Variants in TBC1D22A observed in about 807,000 individuals in gnomAD.
TBC1D22A encodes TBC1 domain family member 22A, also known as putative GTPase activator.
A neutral mutation model predicts 60.2 loss-of-function variants in TBC1D22A; 38 were observed. The ratio of observed to expected loss-of-function variants is 0.63; its 90% CI spans 0.49 to 0.83. The LOEUF (loss-of-function observed/expected upper bound fraction) is 0.83, where lower values mean the gene tolerates loss of function less well. Ranked by LOEUF, TBC1D22A falls within the 40% of genes least tolerant of loss-of-function variation. The pLI is 0.00. For missense variants in TBC1D22A, 628 were observed against 701.0 expected (o/e 0.90, Z 1.18); for synonymous variants, 302 against 281.7 (o/e 1.07, Z -0.72).
chr22:47,150,901 G>A (rs923938622), intron 12 of TBC1D22A, among the ~76,000 whole-genome samples: 1 of 152,212 alleles, frequency 6.6e-6, no homozygotes, highest in South Asian at 2.1e-4. Context: ...TTCCTTCCGT[G>A]GGAACTCTGT....
At chr22:46,789,543 G>A (rs185014398) in intron 1 of TBC1D22A, 16 of 177,330 alleles carry the variant, frequency 9.0e-5, no homozygotes, top group Admixed American at 1.9e-4. Flanking sequence ...TGCCCTGTCC[G>A]AGAGTCAGTA....
In TBC1D22A at chr22:47,020,388, C is replaced by T. The variant is rs112565053; in HGVS notation, c.1202-16683C>T. 4.5e-3 allele frequency among the ~76,000 whole-genome samples: 679 copies of T among 152,288 alleles called. 1 individual carries two copies. The highest frequency in any genetic ancestry group is 7.6e-3 in the Non-Finnish European group (518 of 68,036). On this transcript the variant is annotated intron_variant, in intron 10 of 12. Coordinates refer to ENST00000337137, the MANE Select transcript of TBC1D22A (RefSeq NM_014346.5). Reference sequence around the variant, plus strand: ...CGGGGAAGCTCTGCGTCTTCAACCTCGCTGTAGACTTGGGTTGCATCAGCA... The same window carrying T: ...CGGGGAAGCTCTGCGTCTTCAACCTTGCTGTAGACTTGGGTTGCATCAGCA...
chr22:47,045,469 C>T (rs1041495287), intron 11 of TBC1D22A, among the ~76,000 whole-genome samples: 2 of 152,216 alleles, frequency 1.3e-5, no homozygotes, highest in African/African-American at 2.4e-5. Flanking sequence ...GAATAAATTT[C>T]CTTGTACTTG....
chr22:46,876,630 CT>C (rs1364798526), intron 4 of TBC1D22A, among the ~76,000 whole-genome samples: 6 of 152,188 alleles, frequency 3.9e-5, no homozygotes, highest in Non-Finnish European at 7.3e-5. Flanking sequence ...CCTCCAGGAA[CT>C]TCCCAAGAGC....
rs1479848235 is a variant in TBC1D22A at position 47,136,134 on chromosome 22, G to A, written c.1425+24531G>A. Among the ~76,000 whole-genome samples, 5 of 152,232 alleles carry A rather than the reference G, an allele frequency of 3.3e-5. No homozygotes were observed. The South Asian group carries it at 8.3e-4, about 25-fold the overall frequency. ...ATGGTGTGGAAGGCCTTGGATACTC[G>A]GGGGCCAAGGCCCAGGCTCCCTCCA... On this transcript the variant is annotated intron_variant, in intron 12 of 12. Coordinates refer to ENST00000337137, the MANE Select transcript of TBC1D22A (RefSeq NM_014346.5).
rs538299514 is a variant in TBC1D22A at position 46,792,553 on chromosome 22, C to T, written c.96C>T (p.Pro32=). 22 of 1,614,250 alleles carry T rather than the reference C, an allele frequency of 1.4e-5. No individual in the cohort carries two copies. The highest frequency in any genetic ancestry group is 1.9e-5 in the Non-Finnish European group (22 of 1,180,044). ...ACGTGTATGGTGCCCAGCACCCCCC[C>T]TTTGATCCACTGTTACATGGCACGT... ...IQHVYGAQHP[P]FDPLLHGTLL... Residue 32 remains proline, a synonymous_variant, in exon 2 of 13, where the codon CCC becomes CCT. Transcript: ENST00000337137.
At chr22:46,820,618 T>C (rs1240103261) in intron 4 of TBC1D22A, among the ~76,000 whole-genome samples, 2 of 152,250 alleles carry the variant, frequency 1.3e-5, no homozygotes. Context: ...TTCAGTTCTT[T>C]TGCATTTGCT....
chr22:46,853,347 C>T (rs781518236), intron 4 of TBC1D22A, among the ~76,000 whole-genome samples: 29 of 152,162 alleles, frequency 1.9e-4, no homozygotes, highest in African/African-American at 2.9e-4. Flanking sequence ...GGCATGAAGC[C>T]GCCTCCTTCA....
chr22:46,969,760 C>T (rs2148107877), intron 8 of TBC1D22A, among the ~76,000 whole-genome samples: 2 of 152,212 alleles, frequency 1.3e-5, no homozygotes, highest in South Asian at 4.2e-4. Flanking sequence ...TTGGTGTCCC[C>T]AGAGTATAGG....
intron 7 of TBC1D22A, among the ~76,000 whole-genome samples, chr22:46,900,866 C>T (rs1569194089): frequency 6.6e-6 from 1 of 152,312 alleles, no homozygotes; most frequent in East Asian, 1.9e-4. Flanking sequence ...ATGTACTAAT[C>T]TTATTGGGGA....
chr22:46,941,719 C>CGGAATATATATATAT (rs1491543853), intron 8 of TBC1D22A, among the ~76,000 whole-genome samples: 1 of 80,404 alleles, frequency 1.2e-5, no homozygotes, highest in African/African-American at 3.9e-5. Context: ...AATATATATA[C>CGGAATATATATATAT]GCGGAATGTA....
intron 12 of TBC1D22A, among the ~76,000 whole-genome samples, chr22:47,164,204 G>A (rs916975451): frequency 2.0e-5 from 3 of 152,192 alleles, no homozygotes; most frequent in Non-Finnish European, 2.9e-5. Flanking sequence ...GCCCCTCCCC[G>A]CAGGCCGTTC....
intron 12 of TBC1D22A, among the ~76,000 whole-genome samples, chr22:47,130,616 C>T (rs983695485): frequency 1.3e-5 from 2 of 152,206 alleles, no homozygotes; most frequent in African/African-American, 4.8e-5. Context: ...CCTGTGTTTG[C>T]ACCTTTTCGT....
At chr22:47,040,468 G>A (rs1349691162) in intron 11 of TBC1D22A, among the ~76,000 whole-genome samples, 4 of 152,068 alleles carry the variant, frequency 2.6e-5, no homozygotes, top group Non-Finnish European at 5.9e-5. Context: ...GTGCATGGGG[G>A]TGAATTCAGC....
At chr22:47,133,033 T>C (rs80269775) in intron 12 of TBC1D22A, among the ~76,000 whole-genome samples, 3,748 of 152,258 alleles carry the variant, frequency 0.025, 175 homozygotes, top group African/African-American at 0.085. Context: ...CATTGAGATA[T>C]GGAAAAAAAG....
chr22:47,012,899 A>T (rs1274191528), intron 10 of TBC1D22A, among the ~76,000 whole-genome samples: 1 of 152,172 alleles, frequency 6.6e-6, no homozygotes, highest in African/African-American at 2.4e-5. Flanking sequence ...GCACAGAATC[A>T]TAAAAAACTT....
At chr22:47,142,946 A>C (rs2067162948) in intron 12 of TBC1D22A, among the ~76,000 whole-genome samples, 1 of 142,606 alleles carries the variant, frequency 7.0e-6, no homozygotes, top group South Asian at 2.2e-4. Flanking sequence ...TCAGTCAAGC[A>C]CTGTGGAGTT....
At chr22:46,791,314 AT>A (rs1446077286) in intron 1 of TBC1D22A, among the ~76,000 whole-genome samples, 1 of 152,094 alleles carries the variant, frequency 6.6e-6, no homozygotes, top group East Asian at 1.9e-4. Flanking sequence ...ACAAACAGAG[AT>A]TCGTTTATTT....
In TBC1D22A at chr22:46,976,045, C is replaced by T. The variant is rs376086284; in HGVS notation, c.1125+1646C>T. On this transcript the variant is annotated intron_variant, in intron 9 of 12. Transcript: ENST00000337137. The stretch of plus-strand genomic sequence containing the variant: ...ATTTTATTCTTTCTGCTAGATCTTT[C>T]GGCTTTTTGCCCCCTTAGAAAAAGG... Among the ~76,000 whole-genome samples, 11 of 152,262 alleles carry T rather than the reference C, an allele frequency of 7.2e-5. No individual in the cohort carries two copies. In the East Asian group the frequency reaches 1.2e-3, roughly 16 times the overall value.
Sources: gnomAD v4.1 joint callset for allele counts (sites outside exome capture counted in the v4.1 genomes callset) on GRCh38, gnomAD v4.1.1 for gene constraint, MANE v1.5 for transcripts, NCBI Gene and HGNC (gene_info 2026-07-23, HGNC 2026-07-21) for gene names.